Variants in MARK4 observed in about 807,000 individuals in gnomAD.
MARK4 encodes microtubule affinity regulating kinase 4.
A neutral mutation model predicts 81.5 loss-of-function variants in MARK4; 19 were observed. The ratio of observed to expected loss-of-function variants is 0.23; its 90% CI spans 0.16 to 0.34. MARK4 has a LOEUF of 0.34. Ranked by LOEUF, MARK4 falls within the 10% of genes least tolerant of loss-of-function variation. The probability of loss-of-function intolerance (pLI) is 1.00; values close to 1 mark genes in which losing one functional copy is unlikely to be tolerated. For synonymous variants in MARK4, 436 were observed against 439.0 expected (o/e 0.99, Z 0.08); for missense variants, 772 against 1,058.8 (o/e 0.73, Z 3.76).
In MARK4 at chr19:45,304,010, T is replaced by G. The variant is rs1971016332; in HGVS notation, c.*1300T>G. 6.6e-6 allele frequency: 1 copy of G among 152,280 alleles called. No homozygotes were observed. Among genetic ancestry groups the G allele is most frequent in the Non-Finnish European group, 1.5e-5 (1 of 68,064 alleles). The allele number at this position is 152,280 out of a possible 1,614,324, so 9.4% of individuals were successfully genotyped here. A position where few individuals can be genotyped will look rare whatever the true frequency, so the allele number is the denominator to read the frequency against. On this transcript the variant is annotated 3_prime_UTR_variant, in exon 17 of 17. Coordinates refer to ENST00000262891, the MANE Select transcript of MARK4 (RefSeq NM_001199867.2). The stretch of plus-strand genomic sequence containing the variant: ...GATGGAGAATCAGCAAGAGAAATGC[T>G]GTATTAGGACTAATAATCCATCTAC...
chr19:45,276,294 TG>T lies in MARK4; in HGVS notation c.787-1626del, dbSNP rs560313692. Among the ~76,000 whole-genome samples, 213 of 152,338 alleles carry T rather than the reference TG, an allele frequency of 1.4e-3. 1 individual carries two copies. The highest frequency in any genetic ancestry group is 4.9e-3 in the African/African-American group (205 of 41,592). ...TTCCCACCTTGGCCTCCCGAAGTGC[TG>T]GGATTATAGACATAAGCCACCACGC... On this transcript the variant is annotated intron_variant, in intron 8 of 16. Transcript: ENST00000262891.
intron 13 of MARK4, among the ~76,000 whole-genome samples, chr19:45,292,331 G>A (rs868137386): frequency 2.6e-5 from 4 of 152,140 alleles, no homozygotes; most frequent in Non-Finnish European, 4.4e-5. Flanking sequence ...CTGAAGCCAC[G>A]TAGAGTTTGA....
At chr19:45,273,144 T>C (rs75754710) in intron 8 of MARK4, among the ~76,000 whole-genome samples, 79 of 151,648 alleles carry the variant, frequency 5.2e-4, no homozygotes, top group East Asian at 9.7e-4. Flanking sequence ...TTTTTTTTTT[T>C]CCCCCTTTGA....
chr19:45,266,730 C>CTTT (rs35618045), intron 7 of MARK4, among the ~76,000 whole-genome samples: 19 of 124,256 alleles, frequency 1.5e-4, no homozygotes, highest in South Asian at 2.6e-4. Context: ...AATCTGAGAA[C>CTTT]TTTTTTTTTT....
At position 45,297,724 on chromosome 19, in the gene MARK4, G is replaced by C; in HGVS notation, c.1647G>C (p.Leu549=). Residue 549 remains leucine, a synonymous_variant, in exon 15 of 17, where the codon CTG becomes CTC. Transcript: ENST00000262891. ...VPPASPSSHS[L]APPSGERSRL... ...CTGCCTCCCCCTCCAGTCACAGCCTGGCACCCCCATCAGGGGAGCGGAGCC... is the reference window on the plus strand; with the variant it reads ...CTGCCTCCCCCTCCAGTCACAGCCTCGCACCCCCATCAGGGGAGCGGAGCC... The C allele has an allele frequency of 6.4e-7, 1 of 1,562,688 alleles. No individual in the cohort carries two copies. The highest frequency in any genetic ancestry group is 8.6e-7 in the Non-Finnish European group (1 of 1,158,772).
chr19:45,275,332 T>A (rs1388714463), intron 8 of MARK4, among the ~76,000 whole-genome samples: 1 of 151,948 alleles, frequency 6.6e-6, no homozygotes, highest in Admixed American at 6.6e-5. Context: ...AAATATTTTT[T>A]AAATTAGCCT....
intron 13 of MARK4, 169 bp downstream of exon 13, chr19:45,287,833 A>G (rs535603038): frequency 3.5e-5 from 27 of 770,638 alleles, no homozygotes; most frequent in Non-Finnish European, 5.8e-5. Flanking sequence ...GCCTGAGCTC[A>G]GTTTATACAC....
chr19:45,252,363 A>C (rs558230423), intron 1 of MARK4, among the ~76,000 whole-genome samples: 1 of 152,082 alleles, frequency 6.6e-6, no homozygotes, highest in South Asian at 2.1e-4. Context: ...CTCTCCCAGG[A>C]AGCCTTGGCC....
intron 8 of MARK4, among the ~76,000 whole-genome samples, chr19:45,275,702 G>GA (rs1189321079): frequency 1.3e-5 from 2 of 152,218 alleles, no homozygotes; most frequent in African/African-American, 4.8e-5. Context: ...TTCTGGCTGT[G>GA]CAATCCTGGG....
chr19:45,290,333 G>T (rs1006727140), intron 13 of MARK4, among the ~76,000 whole-genome samples: 5 of 152,270 alleles, frequency 3.3e-5, no homozygotes, highest in African/African-American at 1.2e-4. Flanking sequence ...GTGGCTGGTG[G>T]TGTCTGGCTG....
At chr19:45,270,356 G>A (rs909313605) in intron 7 of MARK4, among the ~76,000 whole-genome samples, 7 of 152,122 alleles carry the variant, frequency 4.6e-5, no homozygotes, top group African/African-American at 1.4e-4. Flanking sequence ...TCACCTTCAC[G>A]TTATGCAGAC....
chr19:45,302,511 G>A lies in MARK4; in HGVS notation c.2060G>A (p.Arg687His), dbSNP rs750069517. The A allele has an allele frequency of 4.4e-6, 7 of 1,600,922 alleles. No homozygotes were observed. The South Asian group carries it at 7.7e-5, about 18-fold the overall frequency. The change falls in exon 17 of 17, where the codon CGC (arginine) becomes CAC (histidine). Residue 687 changes from arginine to histidine, a missense_variant. Physicochemically the swap from Arg to His is conservative, Grantham distance 29 (BLOSUM62 0). This residue lies in a region of MARK4 where 548 missense variants were observed against 624.3 expected (regional missense o/e 0.88). Transcript: ENST00000262891. The surrounding 1 kb of genome is among the most constrained non-coding windows in gnomAD (Gnocchi z 4.9). The stretch of plus-strand genomic sequence containing the variant: ...CAGGCCACAGCAGCCGCCCGCTGCC[G>A]CTGCCGCCAGCCACAGCCGTTCCTG... ...LRQATAAARCRCRQPQPFLLA... is the reference protein window; with the variant it reads ...LRQATAAARCHCRQPQPFLLA...
At chr19:45,257,906 G>T (rs534109361) in intron 1 of MARK4, among the ~76,000 whole-genome samples, 5 of 148,528 alleles carry the variant, frequency 3.4e-5, no homozygotes, top group African/African-American at 5.0e-5. Flanking sequence ...AGCCAGGATG[G>T]TCTCAATCTC....
At chr19:45,294,706 T>A (rs1246801154) in intron 14 of MARK4, among the ~76,000 whole-genome samples, 1 of 152,210 alleles carries the variant, frequency 6.6e-6, no homozygotes, top group Non-Finnish European at 1.5e-5. Flanking sequence ...CTGAATTGAT[T>A]TTTTGAATGA....
intron 13 of MARK4, among the ~76,000 whole-genome samples, chr19:45,292,694 T>C (rs188007680): frequency 3.3e-5 from 5 of 151,670 alleles, no homozygotes; most frequent in African/African-American, 1.2e-4. Context: ...CTGGACAACA[T>C]AGACCCTGTC....
At chr19:45,261,302 A>G (rs1273674382) in intron 2 of MARK4, among the ~76,000 whole-genome samples, 2 of 152,178 alleles carry the variant, frequency 1.3e-5, no homozygotes, top group African/African-American at 4.8e-5. Context: ...TAAAAATCTT[A>G]TACAAAATAT....
In MARK4 at chr19:45,304,161, A is replaced by C. The variant is rs1356893755; in HGVS notation, c.*1451A>C. ...ATTTTTTCAGTGTAAGTTGAATTCT[A>C]GTAATTTTTATCAAGTAAGGGCTCC... On this transcript the variant is annotated 3_prime_UTR_variant, in exon 17 of 17. Transcript: ENST00000262891. 6.6e-6 allele frequency: 1 copy of C among 152,258 alleles called. No homozygotes were observed. The highest frequency in any genetic ancestry group is 6.5e-5 in the Admixed American group (1 of 15,286). 9.4% of individuals were successfully genotyped at this position (152,258 alleles called of 1,614,324 possible).
At chr19:45,261,254 A>G (rs1396108346) in intron 2 of MARK4, among the ~76,000 whole-genome samples, 1 of 152,206 alleles carries the variant, frequency 6.6e-6, no homozygotes, top group Non-Finnish European at 1.5e-5. Context: ...AAACCAGACA[A>G]GAAACAAAAT....
intron 14 of MARK4, among the ~76,000 whole-genome samples, chr19:45,297,202 G>T (rs1970898752): frequency 6.6e-6 from 1 of 152,146 alleles, no homozygotes; most frequent in Non-Finnish European, 1.5e-5. Context: ...GGAGGGTCCT[G>T]GGACAGTGGA....
Sources: gnomAD v4.1 joint callset for allele counts (sites outside exome capture counted in the v4.1 genomes callset) on GRCh38, gnomAD v4.1.1 for gene constraint, gnomAD v4.1.1 regional missense constraint, Gnocchi (gnomAD v3.1) non-coding constraint, MANE v1.5 for transcripts, NCBI Gene and HGNC (gene_info 2026-07-23, HGNC 2026-07-21) for gene names.